RSRP1: variants seen among roughly 807,000 people sequenced by gnomAD.
RSRP1 encodes the protein arginine/serine-rich protein 1.
Under a neutral mutation model 33.0 loss-of-function variants are expected in RSRP1, and 37 were observed. The ratio of observed to expected loss-of-function variants is 1.12; its 90% CI spans 0.86 to 1.48. The LOEUF (loss-of-function observed/expected upper bound fraction) is 1.48. Ranked by LOEUF, RSRP1 falls within the 40% of genes most tolerant of loss-of-function variation. The pLI is 0.00. For missense variants in RSRP1, 402 were observed against 385.3 expected (o/e 1.04, Z -0.36); for synonymous variants, 167 against 158.7 (o/e 1.05, Z -0.40).
intron 1 of RSRP1, among the ~76,000 whole-genome samples, chr1:25,259,389 G>C (rs952804231): frequency 5.3e-5 from 8 of 151,158 alleles, no homozygotes; most frequent in African/African-American, 1.9e-4. Flanking sequence ...CACTGTGCCC[G>C]GCCTTGTTTG....
chr1:25,320,429 C>G (rs1208743064), intron 1 of RSRP1, among the ~76,000 whole-genome samples: 1 of 131,924 alleles, frequency 7.6e-6, no homozygotes, highest in Non-Finnish European at 1.8e-5. Context: ...TAAGCCTCAG[C>G]TATCTGGAAA....
chr1:25,282,065 T>A lies in RSRP1; in HGVS notation c.-66-35036A>T. Reference sequence around the variant, plus strand: ...GATGATGTTGATGAACAGTCACTATTTATTGAGCGTTCTCCATGTGCCAGT... The same window carrying A: ...GATGATGTTGATGAACAGTCACTATATATTGAGCGTTCTCCATGTGCCAGT... On this transcript the variant is annotated intron_variant, in intron 1 of 1. Transcript: ENST00000561867. Among the ~76,000 whole-genome samples the A allele has an allele frequency of 1.5e-5, 2 of 131,536 alleles. 1 individual carries two copies. The highest frequency in any genetic ancestry group is 3.6e-5 in the Non-Finnish European group (2 of 55,568). The allele number at this position is 131,536 out of a possible 152,430, so 86.3% of individuals were successfully genotyped here.
chr1:25,268,241 G>A (rs140736832), intron 1 of RSRP1, among the ~76,000 whole-genome samples: 7,206 of 132,580 alleles, frequency 0.054, 1,415 homozygotes, highest in African/African-American at 0.17. Flanking sequence ...ATACACGGCC[G>A]GGCGCAGTGG....
Position 25,273,147 on chromosome 1 carries a change from T to A in RSRP1, c.-66-26118A>T, listed in dbSNP as rs1212326814. On this transcript the variant is annotated intron_variant, in intron 1 of 1. Transcript: ENST00000561867. ...TGTGGCCTCTCGCTCATTTCTTATT[T>A]CTTTTTGAGGCAGGGTCTCACTCTG... Among the ~76,000 whole-genome samples, 2 of 130,110 alleles carry A rather than the reference T, an allele frequency of 1.5e-5. 1 individual carries two copies. Among genetic ancestry groups the A allele is most frequent in the Non-Finnish European group, 3.6e-5 (2 of 55,142 alleles). 85.4% of individuals were successfully genotyped at this position (130,110 alleles called of 152,430 possible).
upstream of RSRP1, among the ~76,000 whole-genome samples, chr1:25,251,568 C>G (rs1045736090): frequency 2.6e-5 from 4 of 152,066 alleles, no homozygotes; most frequent in African/African-American, 9.7e-5. Flanking sequence ...GGGGTTTCTC[C>G]ATGTTGGTCA....
rs187587171 is a variant in RSRP1 at position 25,333,052 on chromosome 1, T to C, written c.-67+4926A>G. 2.1e-4 allele frequency among the ~76,000 whole-genome samples: 28 copies of C among 131,788 alleles called. 4 individuals are homozygous for C. The highest frequency in any genetic ancestry group is 7.3e-4 in the African/African-American group (28 of 38,544). The allele number at this position is 131,788 out of a possible 152,430, so 86.5% of individuals were successfully genotyped here. ...AAGGCTGGTGTAGGTCCTGGCGTCC[T>C]GAGACCCAACAGCCTGGGATCCTGA... On this transcript the variant is annotated intron_variant, in intron 1 of 1. Coordinates refer to the RSRP1 transcript ENST00000561867.
intron 1 of RSRP1, among the ~76,000 whole-genome samples, chr1:25,332,811 C>A (rs1645035095): frequency 7.5e-6 from 1 of 132,476 alleles, no homozygotes; most frequent in Admixed American, 7.4e-5. Flanking sequence ...CAGAGAGACA[C>A]AGCCAATCGA....
In RSRP1 at chr1:25,328,998, C is replaced by T. The variant is rs764932087; in HGVS notation, c.-67+8980G>A. The T allele has an allele frequency of 7.3e-6, 10 of 1,375,126 alleles. 3 individuals carry two copies. The highest frequency in any genetic ancestry group is 5.9e-5 in the South Asian group (5 of 84,602). 85.2% of individuals were successfully genotyped at this position (1,375,126 alleles called of 1,614,324 possible). ...CCTCTCACTGTTGCCTGCATTTGTA[C>T]GTGAGAAACGCTCATGACAGCAAAG... On this transcript the variant is annotated intron_variant, in intron 1 of 1. Coordinates refer to the RSRP1 transcript ENST00000561867.
At chr1:25,262,547 A>G (rs1640192054) in intron 1 of RSRP1, among the ~76,000 whole-genome samples, 1 of 152,222 alleles carries the variant, frequency 6.6e-6, no homozygotes, top group Non-Finnish European at 1.5e-5. Context: ...TCACATGATT[A>G]CAGAGGCTGA....
intron 1 of RSRP1, among the ~76,000 whole-genome samples, chr1:25,298,928 C>T (rs1643152238): frequency 7.8e-6 from 1 of 128,758 alleles, no homozygotes; most frequent in African/African-American, 2.7e-5. Flanking sequence ...TTCATCTTAT[C>T]AAGAGGGTGA....
In RSRP1 at chr1:25,247,020, T is replaced by A; in HGVS notation, c.-57A>T. ...CGGAAAGGATCCCGCAAGCCTCAAC[T>A]CAGGACTTCCTAAAAAACCAAGAGA... On this transcript the variant is annotated 5_prime_UTR_variant, in exon 2 of 5. Transcript: ENST00000243189. 6.9e-7 allele frequency: 1 copy of A among 1,448,504 alleles called. No homozygotes were observed. The highest frequency in any genetic ancestry group is 9.2e-7 in the Non-Finnish European group (1 of 1,084,268). The allele number at this position is 1,448,504 out of a possible 1,614,324, so 89.7% of individuals were successfully genotyped here. A position where few individuals can be genotyped will look rare whatever the true frequency, so the allele number is the denominator to read the frequency against.
At chr1:25,318,365 A>G (rs1288375356) in intron 1 of RSRP1, 1 of 131,936 alleles carries the variant, frequency 7.6e-6, no homozygotes, top group African/African-American at 2.6e-5. Flanking sequence ...AGACAGGTAG[A>G]TCACTTGAGG....
chr1:25,309,709 C>T (rs1369220588), intron 1 of RSRP1, among the ~76,000 whole-genome samples: 1 of 131,534 alleles, frequency 7.6e-6, no homozygotes, highest in East Asian at 2.0e-4. Flanking sequence ...CCAGTCCAAG[C>T]CACAAAACAT....
intron 1 of RSRP1, chr1:25,294,101 T>C (rs1642738663): frequency 1.5e-6 from 1 of 667,024 alleles, no homozygotes; most frequent in Non-Finnish European, 2.8e-6. Flanking sequence ...GTGAGCTTAA[T>C]GGCATGACAA....
intron 1 of RSRP1, among the ~76,000 whole-genome samples, chr1:25,274,436 T>C (rs1640760283): frequency 7.6e-6 from 1 of 132,218 alleles, no homozygotes. Context: ...GGGTCCATGT[T>C]CTTTACCCCT....
At position 25,303,201 on chromosome 1, in the gene RSRP1, G is replaced by A. The variant is rs1348403440; in HGVS notation, c.-67+34777C>T. 9.8e-6 allele frequency: 10 copies of A among 1,019,954 alleles called. No homozygotes were observed. In the African/African-American group the frequency reaches 1.4e-4, roughly 14 times the overall value. The allele number at this position is 1,019,954 out of a possible 1,614,324, so 63.2% of individuals were successfully genotyped here. On this transcript the variant is annotated intron_variant, in intron 1 of 1. Transcript: ENST00000561867. ...CCAACACAGGGGAGAAGTGGTTTCAGGATCAGCAAAGCAGGGAGGATGTTA... is the reference window on the plus strand; with the variant it reads ...CCAACACAGGGGAGAAGTGGTTTCAAGATCAGCAAAGCAGGGAGGATGTTA...
chr1:25,284,147 G>A lies in RSRP1; in HGVS notation c.-66-37118C>T, dbSNP rs1338403037. Among the ~76,000 whole-genome samples the A allele has an allele frequency of 7.3e-5, 10 of 136,146 alleles. 1 individual carries two copies. Among genetic ancestry groups the A allele is most frequent in the Admixed American group, 7.1e-4 (10 of 14,162 alleles). The allele number at this position is 136,146 out of a possible 152,430, so 89.3% of individuals were successfully genotyped here. On this transcript the variant is annotated intron_variant, in intron 1 of 1. Coordinates refer to the RSRP1 transcript ENST00000561867. ...TCCTGGGACAAGTCACTTGGCTTCT[G>A]TGGCTTCATTTTCTCATGTGCCCAG...
At chr1:25,252,156 C>T (rs1267140423), upstream of RSRP1, among the ~76,000 whole-genome samples, 2 of 151,488 alleles carry the variant, frequency 1.3e-5, no homozygotes, top group African/African-American at 2.4e-5. Context: ...CTCCCTCTCC[C>T]AGGTTCAAGT....
intron 1 of RSRP1, among the ~76,000 whole-genome samples, chr1:25,292,742 AG>A (rs1642624009): frequency 8.0e-6 from 1 of 125,434 alleles, no homozygotes; most frequent in South Asian, 2.5e-4. Context: ...GGTTAGGGCT[AG>A]GGATATAAAT....
Sources: gnomAD v4.1 joint callset for allele counts (sites outside exome capture counted in the v4.1 genomes callset) on GRCh38, gnomAD v4.1.1 for gene constraint, MANE v1.5 for transcripts, NCBI Gene and HGNC (gene_info 2026-07-23, HGNC 2026-07-21) for gene names.